TRMT13: variants seen among roughly 807,000 people sequenced by gnomAD.
TRMT13 encodes tRNA methyltransferase 13, also known as tRNA:m(4)X modification enzyme TRM13 homolog.
In TRMT13, 45 loss-of-function variants were observed where a neutral mutation model predicts 55.9. That is an observed-to-expected ratio of 0.80 (90% CI 0.63 to 1.03). The LOEUF (loss-of-function observed/expected upper bound fraction) is 1.03. Ranked by LOEUF, TRMT13 falls within the 50% of genes least tolerant of loss-of-function variation. The probability of loss-of-function intolerance (pLI) is 0.00; values close to 1 mark genes in which losing one functional copy is unlikely to be tolerated. For synonymous variants in TRMT13, 183 were observed against 196.3 expected (o/e 0.93, Z 0.57); for missense variants, 513 against 563.9 (o/e 0.91, Z 0.91).
At chr1:100,137,130 A>C (rs1007195614) in intron 3 of TRMT13, 45 bp downstream of exon 3, 3 of 1,478,980 alleles carry the variant, frequency 2.0e-6, no homozygotes, top group African/African-American at 1.4e-5. Context: ...TGTGGTATGT[A>C]ATGCCTTGGT....
Position 100,148,061 on chromosome 1 carries a change from G to T in TRMT13, c.985G>T (p.Gly329Cys). The change falls in exon 10 of 11, where the codon GGC becomes TGC. Residue 329 changes from glycine (G) to cysteine (C), a missense_variant. Around this residue, in one of 3 missense-constraint regions of TRMT13, gnomAD observed 209 missense variants for 255.8 expected, o/e 0.82. Coordinates refer to ENST00000370141, the MANE Select transcript of TRMT13 (RefSeq NM_019083.3). ...NVPEKWNPVA[G>C]IVIALCCHHR... Reference sequence around the variant, plus strand: ...CCCAGAGAAGTGGAACCCTGTGGCTGGCATTGTTATTGCACTCTGTTGTCA... The same window carrying T: ...CCCAGAGAAGTGGAACCCTGTGGCTTGCATTGTTATTGCACTCTGTTGTCA... 1 of 1,614,250 alleles carries T rather than the reference G, an allele frequency of 6.2e-7. No homozygotes were observed. Among genetic ancestry groups the T allele is most frequent in the Middle Eastern group, 1.6e-4 (1 of 6,062 alleles).
Position 100,133,270 on chromosome 1 carries a change from G to C in TRMT13, c.102G>C (p.Val34=), listed in dbSNP as rs748201468. The C allele has an allele frequency of 5.0e-6, 8 of 1,614,076 alleles. No individual in the cohort carries two copies. Among genetic ancestry groups the C allele is most frequent in the Non-Finnish European group, 6.8e-6 (8 of 1,179,950 alleles). The part of the protein sequence containing the change: ...EKKKRFCRMV[V]AAGKRFCGEH... ...AGAAACGGTTCTGCAGGATGGTGGTGGCCGCAGGGAAAAGATTTTGTGGTG... is the reference window on the plus strand; with the variant it reads ...AGAAACGGTTCTGCAGGATGGTGGTCGCCGCAGGGAAAAGATTTTGTGGTG... Residue 34 remains valine (V), a synonymous_variant, in exon 1 of 11, where the codon GTG becomes GTC. Coordinates refer to ENST00000370141, the MANE Select transcript of TRMT13 (RefSeq NM_019083.3).
rs1235139698 is a variant in TRMT13, at chr1:100,149,251, A to G, written c.*431A>G. On this transcript the variant is annotated 3_prime_UTR_variant, in exon 11 of 11. Coordinates refer to ENST00000370141, the MANE Select transcript of TRMT13 (RefSeq NM_019083.3). ...TAACAAGGGCCAATCTGAGAATTTG[A>G]CTTATATGTGGACATTTTTCCCTAC... 4 of 1,510,990 alleles carry G rather than the reference A, an allele frequency of 2.6e-6. No homozygotes were observed. The highest frequency in any genetic ancestry group is 3.5e-6 in the Non-Finnish European group (4 of 1,135,802). The allele number at this position is 1,510,990 out of a possible 1,614,324, so 93.6% of individuals were successfully genotyped here.
chr1:100,134,141 A>T (rs983426571), intron 1 of TRMT13, among the ~76,000 whole-genome samples: 1 of 152,190 alleles, frequency 6.6e-6, no homozygotes, highest in East Asian at 1.9e-4. Flanking sequence ...GGAAGGAAAG[A>T]TTTTTAAATA....
chr1:100,134,848 A>G (rs905755689), intron 1 of TRMT13, among the ~76,000 whole-genome samples: 10 of 152,342 alleles, frequency 6.6e-5, no homozygotes, highest in African/African-American at 2.4e-4. Flanking sequence ...ACCGCAAAAC[A>G]TCAAGTGGAA....
At position 100,137,062 on chromosome 1, in the gene TRMT13, A is replaced by T; in HGVS notation, c.238A>T (p.Asn80Tyr). Residue 80 changes from asparagine (N) to tyrosine (Y), a missense_variant, in exon 3 of 11, where the codon AAC becomes TAC. Transcript: ENST00000370141. ...DQLAKHLKKCNSREKPKPDFY... is the reference protein window; with the variant it reads ...DQLAKHLKKCYSREKPKPDFY... ...ACTAGCAAAGCATTTGAAAAAATGT[A>T]ACTCAAGAGAGAAACCAAAACCTGT... is the stretch of plus-strand genomic sequence containing the variant. The T allele has an allele frequency of 6.2e-7, 1 of 1,612,720 alleles. No homozygotes were observed. The highest frequency in any genetic ancestry group is 8.5e-7 in the Non-Finnish European group (1 of 1,179,738).
At chr1:100,137,169 C>G in intron 3 of TRMT13, 84 bp downstream of exon 3, 1 of 1,178,504 alleles carries the variant, frequency 8.5e-7, no homozygotes. Context: ...GTACTTGTTT[C>G]ATAGCTGAGG....
chr1:100,141,339 A>G (rs1026316531), intron 7 of TRMT13, among the ~76,000 whole-genome samples: 3 of 152,142 alleles, frequency 2.0e-5, no homozygotes, highest in African/African-American at 7.2e-5. Flanking sequence ...TTCATTCATT[A>G]AACAATTTTT....
At chr1:100,141,159 A>G in intron 7 of TRMT13, 140 bp downstream of exon 7, 1 of 732,852 alleles carries the variant, frequency 1.4e-6, no homozygotes, top group East Asian at 2.9e-5. Context: ...TATTAGTTCT[A>G]ATTGTATTGA....
intron 9 of TRMT13, among the ~76,000 whole-genome samples, chr1:100,145,629 A>C (rs768797865): frequency 2.0e-5 from 3 of 152,204 alleles, no homozygotes; most frequent in Non-Finnish European, 4.4e-5. Context: ...TATGCCTGGA[A>C]ACCCAACACT....
At position 100,139,725 on chromosome 1, in the gene TRMT13, CTT is replaced by C. The variant is rs1656356250; in HGVS notation, c.324+15_324+16del. On this transcript the variant is annotated intron_variant, in intron 4 of 10. Coordinates refer to ENST00000370141, the MANE Select transcript of TRMT13 (RefSeq NM_019083.3). ...CCTGAACAATTAGTAAGTACATTGACTTAATATTTAATTTTAAAAGATATTTA... is the reference window on the plus strand; with the variant it reads ...CCTGAACAATTAGTAAGTACATTGACAATATTTAATTTTAAAAGATATTTA... 1.4e-6 allele frequency: 2 copies of C among 1,424,658 alleles called. No individual in the cohort carries two copies. Among genetic ancestry groups the C allele is most frequent in the Admixed American group, 1.9e-5 (1 of 52,638 alleles). The allele number at this position is 1,424,658 out of a possible 1,614,324, so 88.3% of individuals were successfully genotyped here. A position where few individuals can be genotyped will look rare whatever the true frequency, so the allele number is the denominator to read the frequency against.
In TRMT13 at chr1:100,149,110, T is replaced by A; in HGVS notation, c.*290T>A. 1 of 1,596,034 alleles carries A rather than the reference T, an allele frequency of 6.3e-7. No individual in the cohort carries two copies. The highest frequency in any genetic ancestry group is 8.5e-7 in the Non-Finnish European group (1 of 1,174,550). The stretch of plus-strand genomic sequence containing the variant: ...TTGACTTGGTGATCTGAAACATACA[T>A]AACATGTCAACACATAATTAGCGTA... On this transcript the variant is annotated 3_prime_UTR_variant, in exon 11 of 11. Coordinates refer to ENST00000370141, the MANE Select transcript of TRMT13 (RefSeq NM_019083.3).
chr1:100,134,535 G>T (rs1655544453), intron 1 of TRMT13, among the ~76,000 whole-genome samples: 1 of 152,154 alleles, frequency 6.6e-6, no homozygotes, highest in Non-Finnish European at 1.5e-5. Context: ...GTTTTGACTG[G>T]CATTTACCAA....
intron 7 of TRMT13, among the ~76,000 whole-genome samples, chr1:100,142,364 A>G (rs1459175271): frequency 1.3e-5 from 2 of 152,222 alleles, no homozygotes; most frequent in East Asian, 3.8e-4. Context: ...AATAATAAAG[A>G]TAATTTTTGT....
At chr1:100,145,583 C>T (rs1657145638) in intron 9 of TRMT13, among the ~76,000 whole-genome samples, 4 of 152,152 alleles carry the variant, frequency 2.6e-5, no homozygotes, top group Admixed American at 1.3e-4. Context: ...CACTTCTGTC[C>T]TTAAAATACT....
At position 100,133,325 on chromosome 1, in the gene TRMT13, C is replaced by T. The variant is rs779037181; in HGVS notation, c.147+10C>T. The T allele has an allele frequency of 6.2e-6, 10 of 1,613,566 alleles. No homozygotes were observed. The highest frequency in any genetic ancestry group is 8.5e-6 in the Non-Finnish European group (10 of 1,179,740). On this transcript the variant is annotated intron_variant, in intron 1 of 10. Transcript: ENST00000370141. ...CGCTGGAGCCGCGGAGGTGTGGTATCGCCCTACTCTCTCAAGAGTCGGAAA... is the reference window on the plus strand; with the variant it reads ...CGCTGGAGCCGCGGAGGTGTGGTATTGCCCTACTCTCTCAAGAGTCGGAAA...
chr1:100,146,859 A>G (rs1204854473), intron 9 of TRMT13, among the ~76,000 whole-genome samples: 1 of 152,256 alleles, frequency 6.6e-6, no homozygotes, highest in Non-Finnish European at 1.5e-5. Flanking sequence ...TCAAATATGA[A>G]TAAAACAATG....
chr1:100,133,709 A>G (rs979098288), intron 1 of TRMT13, among the ~76,000 whole-genome samples: 1 of 152,168 alleles, frequency 6.6e-6, no homozygotes, highest in African/African-American at 2.4e-5. Context: ...ATGAAAGAGA[A>G]GCACTTCTCG....
intron 10 of TRMT13, 103 bp from the exon 11 acceptor site, chr1:100,148,522 T>C (rs1657583195): frequency 1.7e-6 from 2 of 1,162,158 alleles, no homozygotes; most frequent in Non-Finnish European, 2.5e-6. Context: ...ACTTAGTACA[T>C]TATGGGTTAG....
Sources: allele counts gnomAD v4.1 joint callset (sites outside exome capture counted in the v4.1 genomes callset), GRCh38; gene constraint gnomAD v4.1.1; regional missense constraint gnomAD v4.1.1; transcripts MANE v1.5; gene names NCBI Gene and HGNC (gene_info 2026-07-23, HGNC 2026-07-21).